NUFIP1: variants seen among roughly 807,000 people sequenced by gnomAD.
The protein encoded by NUFIP1 is FMR1-interacting protein NUFIP1.
In NUFIP1, 38 loss-of-function variants were observed where a neutral mutation model predicts 56.2. That is an observed-to-expected ratio of 0.68 (90% CI 0.52 to 0.89). NUFIP1 has a LOEUF of 0.89. Among genes scored for constraint, NUFIP1 ranks in the 40% least tolerant of loss-of-function variants. NUFIP1 has a pLI of 0.00. For missense variants in NUFIP1, 567 were observed against 605.8 expected (o/e 0.94, Z 0.67); for synonymous variants, 215 against 212.4 (o/e 1.01, Z -0.10).
intron 7 of NUFIP1, among the ~76,000 whole-genome samples, chr13:44,954,582 T>C (rs772272601): frequency 6.6e-6 from 1 of 152,240 alleles, no homozygotes; most frequent in Non-Finnish European, 1.5e-5. Flanking sequence ...GGCTTCTTCC[T>C]GTAACTTATT....
intron 5 of NUFIP1, among the ~76,000 whole-genome samples, chr13:44,970,007 A>C (rs1946610089): frequency 6.6e-6 from 1 of 152,212 alleles, no homozygotes; most frequent in African/African-American, 2.4e-5. Context: ...AGGGAAACAA[A>C]AGGATTTCCT....
chr13:44,949,943 T>C, intron 7 of NUFIP1, 105 bp from the exon 8 acceptor site: 1 of 767,794 alleles, frequency 1.3e-6, no homozygotes, highest in Non-Finnish European at 2.3e-6. Flanking sequence ...TCTGATCATT[T>C]CCTTAATCTT....
chr13:44,949,280 C>G (rs1048300641), intron 8 of NUFIP1, among the ~76,000 whole-genome samples: 1 of 139,126 alleles, frequency 7.2e-6, no homozygotes, highest in Non-Finnish European at 1.5e-5. Flanking sequence ...CGGCTCACTG[C>G]AAGCTCCGCC....
intron 7 of NUFIP1, among the ~76,000 whole-genome samples, chr13:44,952,439 A>G (rs560514449): frequency 1.3e-5 from 2 of 152,298 alleles, no homozygotes; most frequent in Non-Finnish European, 2.9e-5. Flanking sequence ...CATTTTCTAT[A>G]TTACTTTTAT....
chr13:44,988,422 C>T (rs1035035016), intron 1 of NUFIP1, among the ~76,000 whole-genome samples: 2 of 152,008 alleles, frequency 1.3e-5, no homozygotes, highest in African/African-American at 4.8e-5. Context: ...ACTCTTCACT[C>T]CAGCCTGGGC....
intron 5 of NUFIP1, among the ~76,000 whole-genome samples, chr13:44,970,135 C>T (rs926855449): frequency 6.6e-6 from 1 of 152,170 alleles, no homozygotes; most frequent in African/African-American, 2.4e-5. Flanking sequence ...GGAAACAAAC[C>T]TCTACCACTC....
chr13:44,976,319 A>G (rs1260592989), intron 5 of NUFIP1, among the ~76,000 whole-genome samples: 1 of 151,870 alleles, frequency 6.6e-6, no homozygotes, highest in Non-Finnish European at 1.5e-5. Flanking sequence ...AGAAAGGAGG[A>G]GGAGAAGAAA....
In NUFIP1 at chr13:44,980,741, T is replaced by C; in HGVS notation, c.575A>G (p.His192Arg). 1 of 1,602,346 alleles carries C rather than the reference T, an allele frequency of 6.2e-7. No homozygotes were observed. The highest frequency in any genetic ancestry group is 8.5e-7 in the Non-Finnish European group (1 of 1,177,350). Residue 192 changes from histidine to arginine, a missense_variant, in exon 3 of 10, where the codon CAC (histidine) becomes CGC (arginine). Transcript: ENST00000379161. ...ACCTACTTTTGTATGTTCAGACATG[T>C]GTTTGTCATACTTTTCTTGATTTTT... ...GFKNQEKYDK[H>R]MSEHTKCPEL... is the part of the protein sequence containing the mutation.
chr13:44,983,989 C>T (rs921099556), intron 1 of NUFIP1, among the ~76,000 whole-genome samples: 2 of 152,116 alleles, frequency 1.3e-5, no homozygotes, highest in South Asian at 2.1e-4. Context: ...TCTGTTATGG[C>T]AGCACAATAG....
chr13:44,947,670 C>T (rs1342565973), intron 8 of NUFIP1, among the ~76,000 whole-genome samples: 1 of 152,078 alleles, frequency 6.6e-6, no homozygotes, highest in Non-Finnish European at 1.5e-5. Context: ...AAATACTGTT[C>T]CATCTTAAGA....
At chr13:44,983,405 G>C (rs1872265862) in intron 1 of NUFIP1, among the ~76,000 whole-genome samples, 1 of 151,722 alleles carries the variant, frequency 6.6e-6, no homozygotes, top group African/African-American at 2.4e-5. Flanking sequence ...TCGAACTCCT[G>C]ACCTCAAGTG....
chr13:44,950,652 CA>C (rs1348618858), intron 7 of NUFIP1, among the ~76,000 whole-genome samples: 1 of 152,124 alleles, frequency 6.6e-6, no homozygotes, highest in Non-Finnish European at 1.5e-5. Context: ...CCAGCCCACT[CA>C]AAGTTTTTAT....
Position 44,951,320 on chromosome 13 carries a change from T to C in NUFIP1, c.1022-1482A>G, listed in dbSNP as rs1345681993. 3.3e-5 allele frequency among the ~76,000 whole-genome samples: 5 copies of C among 152,230 alleles called. No individual in the cohort carries two copies. The South Asian group carries it at 1.0e-3, about 32-fold the overall frequency. On this transcript the variant is annotated intron_variant, in intron 7 of 9. Transcript: ENST00000379161. ...AAAGTACAGTAATAGTTGAATATTA[T>C]GCTCTTCAAAAGCATGATCTGACCT...
intron 6 of NUFIP1, 51 bp from the exon 7 acceptor site, chr13:44,959,625 G>A (rs1407907076): frequency 1.3e-6 from 2 of 1,493,144 alleles, no homozygotes; most frequent in Admixed American, 2.2e-5. Flanking sequence ...GACCTTCCAA[G>A]AAAATTTTGA....
Position 44,980,840 on chromosome 13 carries a change from G to C in NUFIP1, c.496-20C>G. 6.7e-7 allele frequency: 1 copy of C among 1,492,096 alleles called. No homozygotes were observed. Among genetic ancestry groups the C allele is most frequent in the Non-Finnish European group, 9.1e-7 (1 of 1,093,466 alleles). The allele number at this position is 1,492,096 out of a possible 1,614,324, so 92.4% of individuals were successfully genotyped here. The stretch of plus-strand genomic sequence containing the variant: ...TCTTTTCTGCAAACAAAAACAGAGA[G>C]GAATTAGGCTTTTGGTGAAAAATCT... On this transcript the variant is annotated intron_variant, in intron 2 of 9. Transcript: ENST00000379161.
At chr13:44,984,687 AT>A (rs1872319757) in intron 1 of NUFIP1, among the ~76,000 whole-genome samples, 1 of 152,108 alleles carries the variant, frequency 6.6e-6, no homozygotes. Flanking sequence ...AATTGTTCAG[AT>A]TCAGTTTAAT....
chr13:44,968,536 C>A (rs1210743627), intron 5 of NUFIP1, among the ~76,000 whole-genome samples: 1 of 151,940 alleles, frequency 6.6e-6, no homozygotes, highest in Non-Finnish European at 1.5e-5. Flanking sequence ...TGAGAAGCGA[C>A]AATAAAAATA....
intron 7 of NUFIP1, among the ~76,000 whole-genome samples, chr13:44,953,647 AT>A (rs988040006): frequency 6.6e-6 from 1 of 151,856 alleles, no homozygotes; most frequent in Non-Finnish European, 1.5e-5. Flanking sequence ...ACATCTTCAC[AT>A]TTTTTTAGCA....
At position 44,959,389 on chromosome 13, in the gene NUFIP1, C is replaced by A; in HGVS notation, c.1013G>T (p.Ser338Ile). The change falls in exon 7 of 10, where the codon AGT (serine) becomes ATT (isoleucine). Residue 338 changes from serine (S) to isoleucine (I), a missense_variant. Physicochemically the swap from Ser to Ile is moderately radical, Grantham distance 142. Coordinates refer to ENST00000379161, the MANE Select transcript of NUFIP1 (RefSeq NM_012345.3). ...NADPLGVLIN[S>I]DSESDKEEKP... ...TTTCCTGTTTAGCTTACCAGAATCA[C>A]TGTTTATCAAAACACCAAGAGGATC... 5 of 1,613,062 alleles carry A rather than the reference C, an allele frequency of 3.1e-6. No individual in the cohort carries two copies. The highest frequency in any genetic ancestry group is 4.2e-6 in the Non-Finnish European group (5 of 1,179,716).
Sources: allele counts gnomAD v4.1 joint callset (sites outside exome capture counted in the v4.1 genomes callset), GRCh38; gene constraint gnomAD v4.1.1; transcripts MANE v1.5; gene names NCBI Gene and HGNC (gene_info 2026-07-23, HGNC 2026-07-21).